CELF2: variants seen among roughly 807,000 people sequenced by gnomAD.
CELF2 encodes CUG triplet repeat RNA-binding protein 2.
A neutral mutation model predicts 62.6 loss-of-function variants in CELF2; 8 were observed. That is an observed-to-expected ratio of 0.13 (90% CI 0.07 to 0.23). The LOEUF is 0.23. Among genes scored for constraint, CELF2 ranks in the 10% least tolerant of loss-of-function variants. The pLI is 1.00. For synonymous variants in CELF2, 258 were observed against 250.0 expected (o/e 1.03, Z -0.30); for missense variants, 333 against 671.0 (o/e 0.50, Z 5.56).
chr10:10,577,203 G>A, the CELF2 span, among the ~76,000 whole-genome samples: 1 of 152,098 alleles, frequency 6.6e-6, no homozygotes, highest in Admixed American at 6.6e-5. Context: ...GACTGGACAA[G>A]AGCTGTTGAC....
At position 11,156,053 on chromosome 10, in the gene CELF2, G is replaced by A. The variant is rs146048725; in HGVS notation, c.75-9433G>A. Reference sequence around the variant, plus strand: ...CCGGGCAAGCACAAAGGTCAGTGACGCCTTTGTCCTTTAGTCCAAATTAGG... The same window carrying A: ...CCGGGCAAGCACAAAGGTCAGTGACACCTTTGTCCTTTAGTCCAAATTAGG... On this transcript the variant is annotated intron_variant, in intron 1 of 12. Coordinates refer to ENST00000633077, the MANE Select transcript of CELF2 (RefSeq NM_001326342.2). This position sits in a 1 kb window ranked among gnomAD's most constrained non-coding sequence, Gnocchi z 4.3. Among the ~76,000 whole-genome samples, 452 of 152,230 alleles carry A rather than the reference G, an allele frequency of 3.0e-3. 7 individuals carry two copies. In the East Asian group the frequency reaches 0.035, roughly 12 times the overall value.
chr10:10,658,908 A>G, the CELF2 span, among the ~76,000 whole-genome samples: 15 of 152,292 alleles, frequency 9.8e-5, no homozygotes, highest in South Asian at 2.9e-3. Context: ...TACAGAAACT[A>G]CAAGTGCAAT....
chr10:10,568,060 G>C, the CELF2 span, among the ~76,000 whole-genome samples: 1 of 152,048 alleles, frequency 6.6e-6, no homozygotes, highest in Non-Finnish European at 1.5e-5. Context: ...TAATTACAGG[G>C]TGTAAGTACT....
chr10:10,981,876 T>A (rs1253863363), intron 2 of CELF2, among the ~76,000 whole-genome samples: 1 of 151,436 alleles, frequency 6.6e-6, no homozygotes, highest in East Asian at 1.9e-4. Flanking sequence ...AGTCAGGATA[T>A]AAAGCCAGGT....
chr10:11,001,569 G>C (rs1028923470), upstream of CELF2, among the ~76,000 whole-genome samples: 1 of 152,118 alleles, frequency 6.6e-6, no homozygotes, highest in Non-Finnish European at 1.5e-5. Flanking sequence ...TTTTAAATTT[G>C]TTTAGAAAGC....
At chr10:10,822,590 A>C (rs2132010879) in intron 1 of CELF2, among the ~76,000 whole-genome samples, 1 of 152,362 alleles carries the variant, frequency 6.6e-6, no homozygotes, top group South Asian at 2.1e-4. Flanking sequence ...CAGTTTGAAG[A>C]ACCTCTGGGG....
In CELF2 at chr10:11,165,373, C is replaced by T. The variant is rs946444883; in HGVS notation, c.75-113C>T. On this transcript the variant is annotated intron_variant, in intron 1 of 12. Transcript: ENST00000633077. The surrounding 1 kb of genome is among the most constrained non-coding windows in gnomAD (Gnocchi z 7.4). ...TTCTACGACTCATTAGGCACTTTGC[C>T]ACTGCTCTTCTTCCTCCTCCTTCCG... 1 of 1,516,674 alleles carries T rather than the reference C, an allele frequency of 6.6e-7. No homozygotes were observed. Among genetic ancestry groups the T allele is most frequent in the Admixed American group, 2.2e-5 (1 of 45,250 alleles). The allele number at this position is 1,516,674 out of a possible 1,614,324, so 94.0% of individuals were successfully genotyped here.
chr10:11,195,546 G>A (rs4747895), intron 2 of CELF2, among the ~76,000 whole-genome samples: 117,836 of 152,196 alleles, frequency 0.77, 46,544 homozygotes, highest in African/African-American at 0.85. Context: ...GTCACTAAGG[G>A]AAACAGGACA....
chr10:11,202,945 CTCTCTCTGTGTGTG>C (rs1433706291), intron 2 of CELF2, among the ~76,000 whole-genome samples: 20 of 71,580 alleles, frequency 2.8e-4, no homozygotes, highest in African/African-American at 1.3e-3. Flanking sequence ...CTCTCTCTCT[CTCTCTCTGTGTGTG>C]TGTGTGTGTG....
At chr10:11,106,879 C>T (rs896795585) in intron 1 of CELF2, among the ~76,000 whole-genome samples, 2 of 152,176 alleles carry the variant, frequency 1.3e-5, no homozygotes, top group Non-Finnish European at 2.9e-5. Context: ...CTTCTCAGCT[C>T]AGACTTACTA....
At position 10,829,505 on chromosome 10, in the gene CELF2, T is replaced by G. The variant is rs533987591; in HGVS notation, c.53+30688T>G. On this transcript the variant is annotated intron_variant, in intron 1 of 13. Coordinates refer to the CELF2 transcript ENST00000636488. Reference sequence around the variant, plus strand: ...CCAGGGATGACTTCCTGTAAATTTATGAATTTGAGATTTTGATCAATTCAA... The same window carrying G: ...CCAGGGATGACTTCCTGTAAATTTAGGAATTTGAGATTTTGATCAATTCAA... Among the ~76,000 whole-genome samples the G allele has an allele frequency of 5.3e-5, 8 of 152,316 alleles. No individual in the cohort carries two copies. The East Asian group carries it at 1.4e-3, about 26-fold the overall frequency.
At chr10:10,591,444 A>T in the CELF2 span, among the ~76,000 whole-genome samples, 3 of 152,166 alleles carry the variant, frequency 2.0e-5, no homozygotes, top group Admixed American at 2.0e-4. Flanking sequence ...ATATGTATAC[A>T]TACATATAGA....
rs374149833 is a variant in CELF2 at position 11,220,077 on chromosome 10, A to G, written c.354+2570A>G. On this transcript the variant is annotated intron_variant, in intron 3 of 12. Transcript: ENST00000633077. The surrounding 1 kb of genome is among the most constrained non-coding windows in gnomAD (Gnocchi z 4.4). ...CTTCAATTTCTTTCTGAATAAAACT[A>G]AAAGTGATAAAGAAAAAATACATCA... Among the ~76,000 whole-genome samples the G allele has an allele frequency of 2.0e-5, 3 of 152,250 alleles. No individual in the cohort carries two copies. The highest frequency in any genetic ancestry group is 2.4e-5 in the African/African-American group (1 of 41,466).
chr10:10,507,245 A>G, the CELF2 span, among the ~76,000 whole-genome samples: 1 of 152,132 alleles, frequency 6.6e-6, no homozygotes, highest in Non-Finnish European at 1.5e-5. Context: ...TGGAACTCTA[A>G]GTCAAAATCA....
intron 1 of CELF2, among the ~76,000 whole-genome samples, chr10:11,022,260 T>G (rs1274858200): frequency 6.6e-6 from 1 of 152,246 alleles, no homozygotes; most frequent in African/African-American, 2.4e-5. Flanking sequence ...ATCAGCTGCT[T>G]TCCGAGAGGA....
chr10:10,746,526 T>G, the CELF2 span, among the ~76,000 whole-genome samples: 1 of 152,184 alleles, frequency 6.6e-6, no homozygotes, highest in Non-Finnish European at 1.5e-5. Flanking sequence ...CATTTTAACT[T>G]TAACTTCTGA....
rs146543335 is a variant in CELF2 at position 10,934,112 on chromosome 10, C to T, written c.89+14113C>T. 5.7e-3 allele frequency among the ~76,000 whole-genome samples: 863 copies of T among 152,242 alleles called. 12 individuals are homozygous for T. Among genetic ancestry groups the T allele is most frequent in the Non-Finnish European group, 3.0e-3 (206 of 68,018 alleles). On this transcript the variant is annotated intron_variant, in intron 2 of 13. Coordinates refer to the CELF2 transcript ENST00000636488. This position sits in a 1 kb window ranked among gnomAD's most constrained non-coding sequence, Gnocchi z 4.4. ...ATCAGTGCCAGCGTTTCTTATTTTG[C>T]GTCTTTTTTGTAATAGCCATTTTAA...
the CELF2 span, among the ~76,000 whole-genome samples, chr10:10,577,317 T>C: frequency 2.6e-5 from 4 of 151,986 alleles, no homozygotes; most frequent in African/African-American, 4.8e-5. Flanking sequence ...TGAAAATCTG[T>C]ATGTTCTTAT....
In CELF2 at chr10:11,046,841, G is replaced by T. The variant is rs999455912; in HGVS notation, c.74+28678G>T. Among the ~76,000 whole-genome samples, 2 of 152,080 alleles carry T rather than the reference G, an allele frequency of 1.3e-5. No individual in the cohort carries two copies. Among genetic ancestry groups the T allele is most frequent in the Non-Finnish European group, 2.9e-5 (2 of 68,034 alleles). On this transcript the variant is annotated intron_variant, in intron 1 of 12. Coordinates refer to ENST00000633077, the MANE Select transcript of CELF2 (RefSeq NM_001326342.2). The surrounding 1 kb of genome is among the most constrained non-coding windows in gnomAD (Gnocchi z 4.6). ...ATTTTCTAAAATTTTAAATTTCATC[G>T]AAACTGCCTCCACTAAGCTAACATG... is the stretch of plus-strand genomic sequence containing the variant.
Sources: gnomAD v4.1 joint callset for allele counts (sites outside exome capture counted in the v4.1 genomes callset) on GRCh38, gnomAD v4.1.1 for gene constraint, Gnocchi (gnomAD v3.1) non-coding constraint, MANE v1.5 for transcripts, NCBI Gene and HGNC (gene_info 2026-07-23, HGNC 2026-07-21) for gene names.